Variants in ALKBH6 observed in about 807,000 individuals in gnomAD.
ALKBH6 encodes the protein alkB homolog 6, nucleotide demethylase, also known as probable RNA/DNA demethylase ALKBH6.
In ALKBH6, 20 loss-of-function variants were observed where a neutral mutation model predicts 25.1. That is an observed-to-expected ratio of 0.80 (90% CI 0.56 to 1.16). The LOEUF is 1.16. Ranked by LOEUF, ALKBH6 falls within the 50% of genes most tolerant of loss-of-function variation. The pLI is 0.00. For missense variants in ALKBH6, 263 were observed against 326.5 expected, an observed-to-expected ratio of 0.81 and a Z score of 1.50; for synonymous variants, 156 against 147.5, an observed-to-expected ratio of 1.06 and a Z score of -0.42.
intron 3 of ALKBH6, 115 bp from the exon 4 acceptor site, chr19:36,011,579 TG>T: frequency 8.6e-7 from 1 of 1,160,564 alleles, no homozygotes; most frequent in East Asian, 2.5e-5. Flanking sequence ...TCTGTGTCTG[TG>T]GGACCATTCC....
At position 36,013,193 on chromosome 19, in the gene ALKBH6, A is replaced by G. The variant is rs1968664549; in HGVS notation, c.55-104T>C. On this transcript the variant is annotated intron_variant, in intron 2 of 6. Coordinates refer to ENST00000378875, the MANE Select transcript of ALKBH6 (RefSeq NM_032878.5). This position sits in a 1 kb window ranked among gnomAD's most constrained non-coding sequence, Gnocchi z 4.6. ...CTGGAGACAGGCTCAGGATGTCCTCAGACAGGTCAGGGTCTAAAGTCAAGG... is the reference window on the plus strand; with the variant it reads ...CTGGAGACAGGCTCAGGATGTCCTCGGACAGGTCAGGGTCTAAAGTCAAGG... 2.1e-6 allele frequency: 3 copies of G among 1,441,822 alleles called. No individual in the cohort carries two copies. The highest frequency in any genetic ancestry group is 1.4e-5 in the African/African-American group (1 of 71,254). The allele number at this position is 1,441,822 out of a possible 1,614,324, so 89.3% of individuals were successfully genotyped here. A position where few individuals can be genotyped will look rare whatever the true frequency, so the allele number is the denominator to read the frequency against.
chr19:36,011,337 T>C, intron 4 of ALKBH6, 67 bp downstream of exon 4: 1 of 1,564,236 alleles, frequency 6.4e-7, no homozygotes, highest in Non-Finnish European at 8.7e-7. Flanking sequence ...TTAAGTCTAT[T>C]GGACCTGAGT....
chr19:36,012,715 T>C (rs1599686577), intron 3 of ALKBH6: 2 of 359,278 alleles, frequency 5.6e-6, no homozygotes, highest in East Asian at 1.2e-4. Context: ...TCTGGGTCTA[T>C]GCTGGGCTAT....
chr19:36,012,724 AT>A, intron 3 of ALKBH6: 1 of 378,022 alleles, frequency 2.6e-6, no homozygotes, highest in Non-Finnish European at 5.0e-6. Flanking sequence ...ATGCTGGGCT[AT>A]TTTAGCACAG....
Position 36,009,294 on chromosome 19 carries a change from T to C in ALKBH6, c.713A>G (p.Lys238Arg), listed in dbSNP as rs1968507624. 7.4e-7 allele frequency: 1 copy of C among 1,352,444 alleles called. No homozygotes were observed. 83.8% of individuals were successfully genotyped at this position (1,352,444 alleles called of 1,614,324 possible). A position where few individuals can be genotyped will look rare whatever the true frequency, so the allele number is the denominator to read the frequency against. Residue 238 changes from lysine to arginine, a missense_variant, in exon 7 of 7, where the codon AAG (lysine) becomes AGG (arginine). Physicochemically the swap from Lys to Arg is conservative, Grantham distance 26. Transcript: ENST00000378875. ...GAGGGGTCCCGGCCCTGGCGGTCAC[T>C]TGCCCAGCAGGAGGCCGGCGCGCAG... ...RVLRAGLLLG[K>R]
In ALKBH6 at chr19:36,009,523, G is replaced by A; in HGVS notation, c.484C>T (p.Leu162=). 1.6e-6 allele frequency: 2 copies of A among 1,257,186 alleles called. No homozygotes were observed. Among genetic ancestry groups the A allele is most frequent in the Non-Finnish European group, 2.0e-6 (2 of 1,002,554 alleles). The allele number at this position is 1,257,186 out of a possible 1,614,324, so 77.9% of individuals were successfully genotyped here. A position where few individuals can be genotyped will look rare whatever the true frequency, so the allele number is the denominator to read the frequency against. Residue 162 remains leucine (L), a synonymous_variant, in exon 7 of 7, where the codon CTA becomes TTA. Coordinates refer to ENST00000378875, the MANE Select transcript of ALKBH6 (RefSeq NM_032878.5). The part of the protein sequence containing the change: ...PRPPPRPTTS[L]LLEPRSLLVL... The stretch of plus-strand genomic sequence containing the variant: ...AGCAGGCTGCGCGGTTCCAGCAGTA[G>A]CGAGGTGGTGGGCCGGGGCGGAGGC...
chr19:36,013,577 C>T lies in ALKBH6; in HGVS notation c.-25-155G>A, dbSNP rs937386739. The T allele has an allele frequency of 2.8e-6, 4 of 1,441,356 alleles. No individual in the cohort carries two copies. The South Asian group carries it at 4.3e-5, about 16-fold the overall frequency. The allele number at this position is 1,441,356 out of a possible 1,614,324, so 89.3% of individuals were successfully genotyped here. A position where few individuals can be genotyped will look rare whatever the true frequency, so the allele number is the denominator to read the frequency against. ...TGAGTCTTCAGCATCTTACAAGCCA[C>T]ACAGAGAGCCCCTACGTTCCATGCC... On this transcript the variant is annotated intron_variant, in intron 1 of 6. Coordinates refer to ENST00000378875, the MANE Select transcript of ALKBH6 (RefSeq NM_032878.5). The surrounding 1 kb of genome is among the most constrained non-coding windows in gnomAD (Gnocchi z 4.6).
chr19:36,010,863 G>T lies in ALKBH6; in HGVS notation c.336+31C>A, dbSNP rs371359811. On this transcript the variant is annotated intron_variant, in intron 5 of 6. Transcript: ENST00000378875. This position sits in a 1 kb window ranked among gnomAD's most constrained non-coding sequence, Gnocchi z 5.5. Reference sequence around the variant, plus strand: ...CCCAGCACAGCTCAGAAGTCTGAGTGGGGGGACACGGGCCGAGGGTGTGTG... The same window carrying T: ...CCCAGCACAGCTCAGAAGTCTGAGTTGGGGGACACGGGCCGAGGGTGTGTG... 7 of 1,612,200 alleles carry T rather than the reference G, an allele frequency of 4.3e-6. No individual in the cohort carries two copies. The highest frequency in any genetic ancestry group is 1.7e-4 in the Middle Eastern group (1 of 6,036).
chr19:36,011,144 C>T, intron 4 of ALKBH6, 99 bp from the exon 5 acceptor site: 1 of 1,485,488 alleles, frequency 6.7e-7, no homozygotes, highest in South Asian at 1.3e-5. Flanking sequence ...TCTCAGGGAC[C>T]CCTGACCGTT....
Position 36,013,964 on chromosome 19 carries a change from A to G in ALKBH6, c.-26+211T>C. The G allele has an allele frequency of 7.3e-7, 1 of 1,376,862 alleles. No individual in the cohort carries two copies. The highest frequency in any genetic ancestry group is 9.3e-7 in the Non-Finnish European group (1 of 1,071,336). The allele number at this position is 1,376,862 out of a possible 1,614,324, so 85.3% of individuals were successfully genotyped here. On this transcript the variant is annotated intron_variant, in intron 1 of 6. Coordinates refer to ENST00000378875, the MANE Select transcript of ALKBH6 (RefSeq NM_032878.5). This position sits in a 1 kb window ranked among gnomAD's most constrained non-coding sequence, Gnocchi z 4.6. ...GACGCCCCTCGGATTTCCCCTCCTG[A>G]GCGCCCCTTCACTCCAGCACCCTGA...
At chr19:36,009,847 A>G (rs933743483) in intron 6 of ALKBH6, among the ~76,000 whole-genome samples, 1 of 151,828 alleles carries the variant, frequency 6.6e-6, no homozygotes, top group Non-Finnish European at 1.5e-5. Flanking sequence ...TGGGATCTCA[A>G]AGGGGCTGAG....
rs1243597021 is a variant in ALKBH6, at chr19:36,013,285, C to T, written c.54+59G>A. On this transcript the variant is annotated intron_variant, in intron 2 of 6. Coordinates refer to ENST00000378875, the MANE Select transcript of ALKBH6 (RefSeq NM_032878.5). The surrounding 1 kb of genome is among the most constrained non-coding windows in gnomAD (Gnocchi z 4.6). ...ATTTGGTGGAAGGGGGCAGTCCCAA[C>T]CCAAGAACTCAGGAATCAGCCTGCC... 8.7e-6 allele frequency: 14 copies of T among 1,603,968 alleles called. No homozygotes were observed. The highest frequency in any genetic ancestry group is 1.2e-5 in the Non-Finnish European group (14 of 1,171,452).
rs1037920467 is a variant in ALKBH6, at chr19:36,010,936, G to C, written c.294C>G (p.Asn98Lys). The C allele has an allele frequency of 6.2e-7, 1 of 1,613,994 alleles. No individual in the cohort carries two copies. Among genetic ancestry groups the C allele is most frequent in the African/African-American group, 1.3e-5 (1 of 74,918 alleles). Residue 98 changes from asparagine (N) to lysine (K), a missense_variant, in exon 5 of 7, where the codon AAC (asparagine) becomes AAG (lysine). Transcript: ENST00000378875. This position sits in a 1 kb window ranked among gnomAD's most constrained non-coding sequence, Gnocchi z 5.5. ...NLSLFGGLPA[N>K]HVLVNQYLPG... ...GCAGATACTGGTTCACGAGGACATG[G>C]TTAGCTGGGAGGCCTCCAAAGAGGC... is the stretch of plus-strand genomic sequence containing the variant.
Position 36,010,871 on chromosome 19 carries a change from A to T in ALKBH6, c.336+23T>A. 1 of 1,613,860 alleles carries T rather than the reference A, an allele frequency of 6.2e-7. No individual in the cohort carries two copies. Among genetic ancestry groups the T allele is most frequent in the Non-Finnish European group, 8.5e-7 (1 of 1,179,842 alleles). ...AGCTCAGAAGTCTGAGTGGGGGGAC[A>T]CGGGCCGAGGGTGTGTGGTTACCAT... On this transcript the variant is annotated intron_variant, in intron 5 of 6. Coordinates refer to ENST00000378875, the MANE Select transcript of ALKBH6 (RefSeq NM_032878.5). The surrounding 1 kb of genome is among the most constrained non-coding windows in gnomAD (Gnocchi z 5.5).
Position 36,010,784 on chromosome 19 carries a change from CTGTT to C in ALKBH6, c.337-105_337-102del. The C allele has an allele frequency of 3.2e-6, 5 of 1,569,062 alleles. No homozygotes were observed. In the South Asian group the frequency reaches 5.6e-5, roughly 17 times the overall value. ...AAGCCAGGGACAGGGAGGTGAATGCCTGTTTGGGAGATGTGGCTGCCTAATGAGT... is the reference window on the plus strand; with the variant it reads ...AAGCCAGGGACAGGGAGGTGAATGCCTGGGAGATGTGGCTGCCTAATGAGT... On this transcript the variant is annotated intron_variant, in intron 5 of 6. Coordinates refer to ENST00000378875, the MANE Select transcript of ALKBH6 (RefSeq NM_032878.5). The surrounding 1 kb of genome is among the most constrained non-coding windows in gnomAD (Gnocchi z 5.5).
Position 36,009,397 on chromosome 19 carries a change from A to G in ALKBH6, c.610T>C (p.Cys204Arg). ...AASSPPNAAA[C>R]PSARPGACLV... ...CAGGCTCCCGGCCGCGCCGACGGGC[A>G]GGCTGCCGCATTGGGCGGCGAGGAG... The change falls in exon 7 of 7, where the codon TGC (cysteine) becomes CGC (arginine). Residue 204 changes from cysteine to arginine, a missense_variant. Cys to Arg is a radical substitution (Grantham distance 180). This residue lies in a region of ALKBH6 where 148 missense variants were observed against 157.5 expected (regional missense o/e 0.94). Transcript: ENST00000378875. The G allele has an allele frequency of 1.6e-6, 2 of 1,252,006 alleles. No homozygotes were observed. The allele number at this position is 1,252,006 out of a possible 1,614,324, so 77.6% of individuals were successfully genotyped here.
chr19:36,009,429 T>A lies in ALKBH6; in HGVS notation c.578A>T (p.Asp193Val). Residue 193 changes from aspartate (D) to valine (V), a missense_variant, in exon 7 of 7, where the codon GAC (aspartate) becomes GTC (valine). Physicochemically the swap from Asp to Val is radical, Grantham distance 152. Coordinates refer to ENST00000378875, the MANE Select transcript of ALKBH6 (RefSeq NM_032878.5). The stretch of plus-strand genomic sequence containing the variant: ...CGCATTGGGCGGCGAGGAGGCGGCG[T>A]CCAGCGCGTCTACGCGGGCGGCGGC... ...GIAAARVDAL[D>V]AASSPPNAAA... The A allele has an allele frequency of 8.0e-7, 1 of 1,244,918 alleles. No homozygotes were observed. The highest frequency in any genetic ancestry group is 1.0e-6 in the Non-Finnish European group (1 of 996,306). 77.1% of individuals were successfully genotyped at this position (1,244,918 alleles called of 1,614,324 possible).
chr19:36,014,126 T>G, intron 1 of ALKBH6, 49 bp downstream of exon 1: 2 of 1,607,684 alleles, frequency 1.2e-6, no homozygotes, highest in South Asian at 2.2e-5. Flanking sequence ...ATCCCCACTT[T>G]CAGCCCTATT....
intron 6 of ALKBH6, among the ~76,000 whole-genome samples, chr19:36,009,785 C>G (rs1466162480): frequency 2.0e-5 from 3 of 151,046 alleles, no homozygotes; most frequent in African/African-American, 7.3e-5. Flanking sequence ...GGGGCAGGAT[C>G]TAGGTGGCAG....
Sources: gnomAD v4.1 joint callset for allele counts (sites outside exome capture counted in the v4.1 genomes callset) on GRCh38, gnomAD v4.1.1 for gene constraint, gnomAD v4.1.1 regional missense constraint, Gnocchi (gnomAD v3.1) non-coding constraint, MANE v1.5 for transcripts, NCBI Gene and HGNC (gene_info 2026-07-23, HGNC 2026-07-21) for gene names.